The following CDH4 variants were observed in gnomAD, a reference collection of about 807,000 sequenced individuals.
CDH4 encodes cadherin 4, also known as cadherin-4.
CDH4 carries 33 observed loss-of-function variants against 86.0 expected under a neutral mutation model. That is an observed-to-expected ratio of 0.38 (90% CI 0.29 to 0.51). CDH4 has a LOEUF of 0.51. Ranked by LOEUF, CDH4 falls within the 20% of genes least tolerant of loss-of-function variation. CDH4 has a pLI of 0.86. For synonymous variants in CDH4, 555 were observed against 549.4 expected (o/e 1.01, Z -0.14); for missense variants, 1,114 against 1,307.4 (o/e 0.85, Z 2.28).
At chr20:61,834,031 G>A (rs1023757707) in intron 4 of CDH4, among the ~76,000 whole-genome samples, 24 of 152,222 alleles carry the variant, frequency 1.6e-4, no homozygotes, top group Admixed American at 3.3e-4. Flanking sequence ...ACAGTGCCCA[G>A]GGAGGTGCAC....
intron 4 of CDH4, among the ~76,000 whole-genome samples, chr20:61,777,418 C>T (rs2088854277): frequency 6.6e-6 from 1 of 152,244 alleles, no homozygotes; most frequent in Non-Finnish European, 1.5e-5. Flanking sequence ...GTGGCTCACA[C>T]AGGGGCATCC....
At chr20:61,483,173 A>G (rs1456203517) in intron 2 of CDH4, among the ~76,000 whole-genome samples, 3 of 152,182 alleles carry the variant, frequency 2.0e-5, no homozygotes, top group Non-Finnish European at 4.4e-5. Context: ...GTGAAGTAAG[A>G]CAAGATGAGT....
intron 2 of CDH4, among the ~76,000 whole-genome samples, chr20:61,296,944 C>T (rs1315018702): frequency 2.0e-5 from 3 of 152,142 alleles, no homozygotes; most frequent in Non-Finnish European, 4.4e-5. Context: ...AGCTGACTTC[C>T]TGGAGCTGCT....
chr20:61,442,817 T>TG lies in CDH4; in HGVS notation c.169+187883dup, dbSNP rs141818836. On this transcript the variant is annotated intron_variant, in intron 2 of 15. Coordinates refer to ENST00000614565, the MANE Select transcript of CDH4 (RefSeq NM_001794.5). ...TACACACGTGTGGGAATGCATGTCTTGGGTTTGAGCACTGATCCTTTTTCT... is the reference window on the plus strand; with the variant it reads ...TACACACGTGTGGGAATGCATGTCTTGGGGTTTGAGCACTGATCCTTTTTCT... Among the ~76,000 whole-genome samples the TG allele has an allele frequency of 2.9e-3, 440 of 152,376 alleles. 4 individuals are homozygous for TG. The highest frequency in any genetic ancestry group is 0.01 in the Middle Eastern group (3 of 294).
chr20:61,837,433 A>G (rs1355413348), intron 4 of CDH4, among the ~76,000 whole-genome samples: 1 of 152,214 alleles, frequency 6.6e-6, no homozygotes, highest in East Asian at 1.9e-4. Context: ...CCGGGTCATC[A>G]CTTACTCGTG....
chr20:61,661,772 G>A (rs867453569), intron 2 of CDH4, among the ~76,000 whole-genome samples: 10 of 152,054 alleles, frequency 6.6e-5, no homozygotes, highest in South Asian at 6.2e-4. Flanking sequence ...TTGAGTGTCC[G>A]CCCATCATTC....
At chr20:61,687,088 G>T (rs190003031) in intron 2 of CDH4, among the ~76,000 whole-genome samples, 1 of 152,112 alleles carries the variant, frequency 6.6e-6, no homozygotes, top group East Asian at 1.9e-4. Flanking sequence ...TTGATTAGGC[G>T]ACCTCCCCGC....
chr20:61,520,980 G>C (rs2085864770), intron 2 of CDH4, among the ~76,000 whole-genome samples: 2 of 152,212 alleles, frequency 1.3e-5, no homozygotes, highest in African/African-American at 2.4e-5. Context: ...GTAGAATTGA[G>C]GTTGTGGTGG....
intron 2 of CDH4, among the ~76,000 whole-genome samples, chr20:61,586,935 C>A (rs1418622197): frequency 3.3e-5 from 5 of 152,186 alleles, no homozygotes; most frequent in Non-Finnish European, 7.3e-5. Flanking sequence ...GGGATAAAAT[C>A]ATAGATAAGC....
At chr20:61,260,068 A>C (rs1451262598) in intron 2 of CDH4, among the ~76,000 whole-genome samples, 1 of 152,162 alleles carries the variant, frequency 6.6e-6, no homozygotes, top group Non-Finnish European at 1.5e-5. Flanking sequence ...AGGTCAAAAC[A>C]CCACGCTTGG....
At chr20:61,677,379 C>T (rs1463325567) in intron 2 of CDH4, among the ~76,000 whole-genome samples, 1 of 152,220 alleles carries the variant, frequency 6.6e-6, no homozygotes, top group African/African-American at 2.4e-5. Context: ...ACAGAGAAAG[C>T]GGCCTCCCTT....
chr20:61,422,468 C>G (rs8114220), intron 2 of CDH4, among the ~76,000 whole-genome samples: 1 of 68,904 alleles, frequency 1.5e-5, no homozygotes, highest in Non-Finnish European at 2.9e-5. Flanking sequence ...AAAAAAAAAA[C>G]CAAATCTCCC....
chr20:61,757,234 C>A (rs1395062752), intron 3 of CDH4, among the ~76,000 whole-genome samples: 1 of 68,274 alleles, frequency 1.5e-5, no homozygotes. Flanking sequence ...AGAACACAGA[C>A]CCCCCCCCCA....
At chr20:61,904,802 T>C (rs1159428458) in intron 8 of CDH4, among the ~76,000 whole-genome samples, 1 of 152,254 alleles carries the variant, frequency 6.6e-6, no homozygotes, top group Admixed American at 6.5e-5. Flanking sequence ...GGCCCCAGCA[T>C]AGGTGCCTTG....
intron 2 of CDH4, among the ~76,000 whole-genome samples, chr20:61,362,916 G>T (rs1400710844): frequency 2.6e-5 from 4 of 152,192 alleles, no homozygotes; most frequent in African/African-American, 4.8e-5. Flanking sequence ...TTTCAAGAAT[G>T]TGAACAGGTG....
At chr20:61,264,467 T>G (rs375073825) in intron 2 of CDH4, among the ~76,000 whole-genome samples, 11,897 of 143,828 alleles carry the variant, frequency 0.083, 472 homozygotes, top group Non-Finnish European at 0.093. Context: ...CATACCCCAG[T>G]GGCTCCTTCA....
At chr20:61,791,498 T>G (rs1444170223) in intron 4 of CDH4, among the ~76,000 whole-genome samples, 1 of 152,280 alleles carries the variant, frequency 6.6e-6, no homozygotes, top group African/African-American at 2.4e-5. Context: ...TGTATTGCGA[T>G]CAGCTCTGTG....
At chr20:61,699,324 C>T (rs889073371) in intron 2 of CDH4, among the ~76,000 whole-genome samples, 4 of 152,168 alleles carry the variant, frequency 2.6e-5, no homozygotes, top group Non-Finnish European at 4.4e-5. Flanking sequence ...GCTCACACCT[C>T]GAACGCCCCC....
At chr20:61,928,550 C>A in intron 12 of CDH4, 127 bp downstream of exon 12, 1 of 778,074 alleles carries the variant, frequency 1.3e-6, no homozygotes, top group Non-Finnish European at 2.1e-6. Context: ...ACTGTCCCAC[C>A]AAGGCTGGGG....
Sources: allele counts gnomAD v4.1 joint callset (sites outside exome capture counted in the v4.1 genomes callset), GRCh38; gene constraint gnomAD v4.1.1; transcripts MANE v1.5; gene names NCBI Gene and HGNC (gene_info 2026-07-23, HGNC 2026-07-21).